Variants in BAIAP2L2 observed in about 807,000 individuals in gnomAD.
The protein encoded by BAIAP2L2 is BAR/IMD domain-containing adapter protein 2-like 2.
In BAIAP2L2, 65 loss-of-function variants were observed where a neutral mutation model predicts 60.4. That is an observed-to-expected ratio of 1.08 (90% confidence interval 0.88 to 1.32). The LOEUF is 1.32. Among genes scored for constraint, BAIAP2L2 ranks in the 40% most tolerant of loss-of-function variants. The pLI is 0.00. For synonymous variants in BAIAP2L2, 344 were observed against 301.7 expected (o/e 1.14, Z -1.45); for missense variants, 836 against 741.2 (o/e 1.13, Z -1.48).
chr22:38,087,338 C>G, intron 10 of BAIAP2L2, 74 bp from the exon 11 acceptor site: 1 of 1,530,676 alleles, frequency 6.5e-7, no homozygotes, highest in South Asian at 1.2e-5. Context: ...AAGACATCCT[C>G]CCCTCAGGGT....
intron 4 of BAIAP2L2, among the ~76,000 whole-genome samples, chr22:38,099,325 G>A (rs1383182883): frequency 1.3e-5 from 2 of 152,238 alleles, no homozygotes; most frequent in African/African-American, 4.8e-5. Context: ...CCTGAGGCCA[G>A]GAGTTCGAGA....
At chr22:38,101,516 C>T (rs944824547) in intron 4 of BAIAP2L2, among the ~76,000 whole-genome samples, 1 of 127,562 alleles carries the variant, frequency 7.8e-6, no homozygotes, top group African/African-American at 3.1e-5. Flanking sequence ...CACTGTACTC[C>T]AGCCTGGGTG....
chr22:38,108,813 A>G (rs2086724498), intron 2 of BAIAP2L2, among the ~76,000 whole-genome samples: 1 of 151,968 alleles, frequency 6.6e-6, no homozygotes, highest in South Asian at 2.1e-4. Flanking sequence ...GGTGACGCCT[A>G]GAAATGTATG....
intron 7 of BAIAP2L2, among the ~76,000 whole-genome samples, chr22:38,092,504 T>TG (rs2086329434): frequency 6.6e-6 from 1 of 152,166 alleles, no homozygotes; most frequent in Non-Finnish European, 1.5e-5. Context: ...CTTGAACTCC[T>TG]GATCTCAGGT....
intron 4 of BAIAP2L2, among the ~76,000 whole-genome samples, chr22:38,102,840 C>A (rs1283118491): frequency 6.6e-6 from 1 of 151,908 alleles, no homozygotes; most frequent in African/African-American, 2.4e-5. Context: ...GATATCAAGA[C>A]CATCCTGGCT....
At position 38,109,183 on chromosome 22, in the gene BAIAP2L2, G is replaced by C; in HGVS notation, c.77C>G (p.Ala26Gly). 6.2e-7 allele frequency: 1 copy of C among 1,613,084 alleles called. No homozygotes were observed. The highest frequency in any genetic ancestry group is 8.5e-7 in the Non-Finnish European group (1 of 1,179,544). Residue 26 changes from alanine (A) to glycine (G), a missense_variant, in exon 2 of 14, where the codon GCC (alanine) becomes GGC (glycine). Coordinates refer to ENST00000381669, the MANE Select transcript of BAIAP2L2 (RefSeq NM_025045.6). ...GCCCAGGTACACCAGGTTCTCCAGG[G>C]CGGGGTTAAACTGCTCCATGATGCT... ...YKSIMEQFNPALENLVYLGNN... is the reference protein window; with the variant it reads ...YKSIMEQFNPGLENLVYLGNN...
At chr22:38,088,341 G>A (rs1283844319) in intron 10 of BAIAP2L2, among the ~76,000 whole-genome samples, 2 of 152,222 alleles carry the variant, frequency 1.3e-5, no homozygotes, top group East Asian at 1.9e-4. Context: ...GAGCCTGACC[G>A]CAAAGAGGTG....
In BAIAP2L2 at chr22:38,088,922, G is replaced by C; in HGVS notation, c.944C>G (p.Ser315Cys). ...SGSAQSSRSNSFGERPGGGGG... is the reference protein window; with the variant it reads ...SGSAQSSRSNCFGERPGGGGG... ...GCCGCCGCCCGGGCGCTCGCCAAAG[G>C]AGTTGGAGCGCGAGCTTTGGGCGCT... Residue 315 changes from serine (S) to cysteine (C), a missense_variant, in exon 10 of 14, where the codon TCC becomes TGC. Ser to Cys is a moderately radical substitution (Grantham distance 112, BLOSUM62 -1). Transcript: ENST00000381669. 6.5e-7 allele frequency: 1 copy of C among 1,547,844 alleles called. No homozygotes were observed. Among genetic ancestry groups the C allele is most frequent in the Non-Finnish European group, 8.7e-7 (1 of 1,153,716 alleles).
In BAIAP2L2 at chr22:38,098,084, GTC is replaced by G. The variant is rs1271461774; in HGVS notation, c.442_443del (p.Asp148GlnfsTer23). The G allele has an allele frequency of 3.2e-6, 5 of 1,548,732 alleles. No individual in the cohort carries two copies. Among genetic ancestry groups the G allele is most frequent in the East Asian group, 2.5e-5 (1 of 40,062 alleles). On this transcript the variant is annotated frameshift_variant, in exon 6 of 14. Transcript: ENST00000381669. LOFTEE classifies it high-confidence loss of function. The part of the protein sequence containing the change: ...SELWRMERKR[D>X]KNVREMKESV... ...GCACCTTCATCTCCCGCACGTTCTT[GTC>G]TCTCTTGCGCTCCATGCGCCACAGC...
chr22:38,085,377 T>C lies in BAIAP2L2; in HGVS notation c.1515-2A>G. The C allele has an allele frequency of 6.2e-7, 1 of 1,613,458 alleles. No homozygotes were observed. Among genetic ancestry groups the C allele is most frequent in the Non-Finnish European group, 8.5e-7 (1 of 1,179,552 alleles). ...ACAGTGGCAAAAGGATTTGTGCCCC[T>C]GTAGGAGGAGAGAGAGAATGGGGTG... On this transcript the variant is annotated splice_acceptor_variant, in intron 13 of 13. Transcript: ENST00000381669. LOFTEE classifies it high-confidence loss of function.
intron 6 of BAIAP2L2, 130 bp from the exon 7 acceptor site, chr22:38,097,308 ACCCGGCCCAT>A: frequency 1.0e-6 from 1 of 999,982 alleles, no homozygotes; most frequent in Non-Finnish European, 1.5e-6. Flanking sequence ...ACCCCCCATC[ACCCGGCCCAT>A]CCTAGCTCCT....
intron 4 of BAIAP2L2, among the ~76,000 whole-genome samples, chr22:38,101,316 C>T (rs1359152369): frequency 2.2e-5 from 3 of 135,544 alleles, no homozygotes; most frequent in Non-Finnish European, 4.6e-5. Flanking sequence ...GAGGATTGCT[C>T]GAGCCCAAGA....
rs200520591 is a variant in BAIAP2L2 at position 38,087,176 on chromosome 22, T to C, written c.1207A>G (p.Thr403Ala). 8.8e-7 allele frequency: 1 copy of C among 1,138,724 alleles called. No homozygotes were observed. Among genetic ancestry groups the C allele is most frequent in the South Asian group, 1.4e-5 (1 of 70,274 alleles). The allele number at this position is 1,138,724 out of a possible 1,614,324, so 70.5% of individuals were successfully genotyped here. Residue 403 changes from threonine to alanine, a missense_variant, in exon 11 of 14, where the codon ACC becomes GCC. Transcript: ENST00000381669. ...ATGGGTGTCATGGGGGACATGGAGG[T>C]CATGGAGGTCATGGGGGTCACGGGG... The part of the protein sequence containing the change: ...MTPVTPMTSM[T>A]SMSPMTPMNP...
rs182118899 is a variant in BAIAP2L2 at position 38,085,159 on chromosome 22, G to A, written c.*141C>T. 4.9e-4 allele frequency: 395 copies of A among 800,506 alleles called. No homozygotes were observed. The highest frequency in any genetic ancestry group is 6.3e-4 in the Non-Finnish European group (316 of 500,324). The allele number at this position is 800,506 out of a possible 1,614,324, so 49.6% of individuals were successfully genotyped here. ...GTGCTTTGGAGCTGCTCAGGCTGCC[G>A]GGGTGGTCTGGGGAGGGCAGCCACC... On this transcript the variant is annotated 3_prime_UTR_variant, in exon 14 of 14. Coordinates refer to ENST00000381669, the MANE Select transcript of BAIAP2L2 (RefSeq NM_025045.6).
chr22:38,098,922 A>G (rs2086506847), intron 4 of BAIAP2L2, among the ~76,000 whole-genome samples: 3 of 152,100 alleles, frequency 2.0e-5, no homozygotes. Flanking sequence ...CTCCAGTTGT[A>G]TACAGAATTT....
At chr22:38,089,376 G>A (rs1361601959) in intron 8 of BAIAP2L2, 145 bp from the exon 9 acceptor site, 5 of 579,042 alleles carry the variant, frequency 8.6e-6, no homozygotes, top group East Asian at 3.6e-5. Context: ...CGCGGAGAAC[G>A]CGCCGGGGCG....
At chr22:38,107,745 C>G in intron 4 of BAIAP2L2, 107 bp downstream of exon 4, 1 of 1,076,476 alleles carries the variant, frequency 9.3e-7, no homozygotes, top group East Asian at 2.4e-5. Context: ...GAAGGGCAGC[C>G]ACGGTCATCC....
intron 4 of BAIAP2L2, 51 bp from the exon 5 acceptor site, chr22:38,098,533 GC>G: frequency 1.3e-6 from 2 of 1,499,176 alleles, no homozygotes; most frequent in Non-Finnish European, 9.3e-7. Context: ...CTGTTCCCAG[GC>G]CCCAGCACCC....
chr22:38,105,191 G>A (rs932328134), intron 4 of BAIAP2L2, among the ~76,000 whole-genome samples: 12 of 152,152 alleles, frequency 7.9e-5, no homozygotes, highest in Admixed American at 5.2e-4. Flanking sequence ...GGCCTGCAGA[G>A]TCAGGACCTG....
Sources: allele counts gnomAD v4.1 joint callset (sites outside exome capture counted in the v4.1 genomes callset), GRCh38; gene constraint gnomAD v4.1.1; transcripts MANE v1.5; gene names NCBI Gene and HGNC (gene_info 2026-07-23, HGNC 2026-07-21).